Variants in KMT2C observed in about 807,000 individuals in gnomAD.
KMT2C encodes the protein histone-lysine N-methyltransferase 2C.
KMT2C carries 88 observed loss-of-function variants against 507.9 expected under a neutral mutation model. That is an observed-to-expected ratio of 0.17 (90% confidence interval 0.15 to 0.21). The LOEUF (loss-of-function observed/expected upper bound fraction) is 0.21. Ranked by LOEUF, KMT2C falls within the 10% of genes least tolerant of loss-of-function variation. The pLI, the probability that KMT2C is intolerant of heterozygous loss-of-function variation, is 1.00. For synonymous variants in KMT2C, 2,049 were observed against 2,080.8 expected, an observed-to-expected ratio of 0.98 and a Z score of 0.42; for missense variants, 4,954 against 5,957.8, an observed-to-expected ratio of 0.83 and a Z score of 5.55.
intron 25 of KMT2C, among the ~76,000 whole-genome samples, chr7:152,204,467 T>G (rs1396810950): frequency 6.6e-6 from 1 of 152,040 alleles, no homozygotes; most frequent in East Asian, 1.9e-4. Flanking sequence ...TGGTGGTGTG[T>G]GCCTGTGGTC....
At chr7:152,401,567 T>C (rs1373871582) in intron 1 of KMT2C, among the ~76,000 whole-genome samples, 1 of 152,052 alleles carries the variant, frequency 6.6e-6, no homozygotes, top group African/African-American at 2.4e-5. Flanking sequence ...GGTACGCACC[T>C]GTAGTCCCAG....
intron 1 of KMT2C, among the ~76,000 whole-genome samples, chr7:152,378,692 A>G (rs1161198849): frequency 6.6e-6 from 1 of 152,210 alleles, no homozygotes; most frequent in Non-Finnish European, 1.5e-5. Flanking sequence ...GCATATACCC[A>G]GGTATTTAAC....
chr7:152,163,760 A>G lies in KMT2C; in HGVS notation c.9817T>C (p.Cys3273Arg). The G allele has an allele frequency of 6.2e-7, 1 of 1,614,156 alleles. No homozygotes were observed. Among genetic ancestry groups the G allele is most frequent in the South Asian group, 1.1e-5 (1 of 91,086 alleles). The part of the protein sequence containing the change: ...EDYRIKQQQQ[C>R]AMAPPTMMPS... ...ATCATGGTAGGTGGGGCCATTGCACATTGCTGCTGCTGTTTGATCCGATAA... is the reference window on the plus strand; with the variant it reads ...ATCATGGTAGGTGGGGCCATTGCACGTTGCTGCTGCTGTTTGATCCGATAA... Residue 3273 changes from cysteine to arginine, a missense_variant, in exon 43 of 59, where the codon TGT (cysteine) becomes CGT (arginine). Physicochemically the swap from Cys to Arg is radical, Grantham distance 180. This residue lies in a region of KMT2C where 801 missense variants were observed against 751.2 expected (regional missense o/e 1.07). Transcript: ENST00000262189.
intron 1 of KMT2C, among the ~76,000 whole-genome samples, chr7:152,408,787 C>G (rs2097649905): frequency 6.9e-6 from 1 of 145,856 alleles, no homozygotes; most frequent in Non-Finnish European, 1.5e-5. Context: ...AGTTTGGAGA[C>G]CACTAACATA....
At chr7:152,319,127 T>C in intron 3 of KMT2C, among the ~76,000 whole-genome samples, 1 of 152,186 alleles carries the variant, frequency 6.6e-6, no homozygotes, top group Non-Finnish European at 1.5e-5. Context: ...GTGTATAAGG[T>C]ATATACGAAA....
intron 40 of KMT2C, among the ~76,000 whole-genome samples, chr7:152,170,504 G>A (rs2092914794): frequency 6.6e-6 from 1 of 152,094 alleles, no homozygotes; most frequent in Non-Finnish European, 1.5e-5. Flanking sequence ...TTTTCTACTT[G>A]CTGTGTTTGT....
Position 152,199,329 on chromosome 7 carries a change from A to G in KMT2C, c.4223T>C (p.Leu1408Ser), listed in dbSNP as rs766209744. The change falls in exon 27 of 59, where the codon TTA (leucine) becomes TCA (serine). Residue 1408 changes from leucine (L) to serine (S), a missense_variant. By Grantham distance (145) the Leu-to-Ser change is moderately radical. Transcript: ENST00000262189. ...CGAGGATGAACTAAGTAGTGGATCTAAGGAAGGATCCAAGAAACCTGTGTT... is the reference window on the plus strand; with the variant it reads ...CGAGGATGAACTAAGTAGTGGATCTGAGGAAGGATCCAAGAAACCTGTGTT... ...NMNTGFLDPS[L>S]DPLLSSSSAP... 1.2e-6 allele frequency: 2 copies of G among 1,604,594 alleles called. No homozygotes were observed. Among genetic ancestry groups the G allele is most frequent in the South Asian group, 1.1e-5 (1 of 88,366 alleles).
intron 55 of KMT2C, 84 bp from the exon 56 acceptor site, chr7:152,139,875 T>A (rs991270479): frequency 1.1e-6 from 1 of 898,454 alleles, no homozygotes; most frequent in Non-Finnish European, 1.8e-6. Flanking sequence ...CACCCTCGGG[T>A]CTTATTAGAA....
rs2129099635 is a variant in KMT2C at position 152,155,965 on chromosome 7, C to T, written c.11905G>A (p.Val3969Ile). Reference protein sequence around the residue: ...ARALAQGPKTVDVPASLPTPP... With the variant: ...ARALAQGPKTIDVPASLPTPP... The stretch of plus-strand genomic sequence containing the variant: ...GTTGGGAGGGAGGCTGGCACATCAA[C>T]TGTCTTGGGGCCCTGAGCAAGAGCT... Residue 3969 changes from valine to isoleucine, a missense_variant, in exon 46 of 59, where the codon GTT becomes ATT. By Grantham distance (29) the Val-to-Ile change is conservative. Around this residue, in one of 29 missense-constraint regions of KMT2C, gnomAD observed 104 missense variants for 134.3 expected, o/e 0.77. Transcript: ENST00000262189. The T allele has an allele frequency of 6.2e-7, 1 of 1,610,662 alleles. No individual in the cohort carries two copies. Among genetic ancestry groups the T allele is most frequent in the South Asian group, 1.1e-5 (1 of 90,168 alleles).
intron 1 of KMT2C, among the ~76,000 whole-genome samples, chr7:152,431,622 A>G (rs1222698162): frequency 6.6e-6 from 1 of 151,946 alleles, no homozygotes; most frequent in Non-Finnish European, 1.5e-5. Flanking sequence ...AAAAAAAGAA[A>G]AAAAACAGGT....
Position 152,148,138 on chromosome 7 carries a change from G to C in KMT2C, c.13789C>G (p.Arg4597Gly). ...WSTRYANRRC[R>G]YLCSIEEKDG... ...TTCTCCTCAATGGAGCACAGGTAGC[G>C]GCAGCGCCTATTGGCATAGCGAGTG... The change falls in exon 52 of 59, where the codon CGC becomes GGC. Residue 4597 changes from arginine to glycine, a missense_variant. This residue lies in a region of KMT2C where 221 missense variants were observed against 304.7 expected (regional missense o/e 0.73). Coordinates refer to ENST00000262189, the MANE Select transcript of KMT2C (RefSeq NM_170606.3). The surrounding 1 kb of genome is among the most constrained non-coding windows in gnomAD (Gnocchi z 7.1). The C allele has an allele frequency of 6.2e-7, 1 of 1,613,924 alleles. No homozygotes were observed. Among genetic ancestry groups the C allele is most frequent in the Admixed American group, 1.7e-5 (1 of 60,028 alleles).
chr7:152,330,766 A>T (rs1454694905), intron 2 of KMT2C, 27 bp from the exon 3 acceptor site: 9 of 1,607,724 alleles, frequency 5.6e-6, no homozygotes, highest in Non-Finnish European at 5.1e-6. Context: ...AAGAGAAAAC[A>T]AAGAGTCATT....
Position 152,185,582 on chromosome 7 carries a change from G to A in KMT2C, c.5058C>T (p.Ser1686=). 1.2e-6 allele frequency: 2 copies of A among 1,613,752 alleles called. No homozygotes were observed. The change falls in exon 34 of 59, where the codon AGC becomes AGT. Residue 1686 remains serine, a synonymous_variant. Coordinates refer to ENST00000262189, the MANE Select transcript of KMT2C (RefSeq NM_170606.3). ...CCACATATGGTGCTCTTTCTTGTGAGCTTGCTTTTCTCCACAATTTGGCAA... is the reference window on the plus strand; with the variant it reads ...CCACATATGGTGCTCTTTCTTGTGAACTTGCTTTTCTCCACAATTTGGCAA... ...KQIAKLWRKA[S]SQERAPYVQK...
intron 3 of KMT2C, among the ~76,000 whole-genome samples, chr7:152,329,448 T>C (rs1289723856): frequency 2.6e-5 from 4 of 151,918 alleles, no homozygotes; most frequent in Non-Finnish European, 5.9e-5. Flanking sequence ...CACACACCTG[T>C]AGTCCCAGCC....
At chr7:152,301,180 A>G (rs1245684549) in intron 6 of KMT2C, among the ~76,000 whole-genome samples, 1 of 148,460 alleles carries the variant, frequency 6.7e-6, no homozygotes, top group Non-Finnish European at 1.5e-5. Context: ...TGGAAAACAG[A>G]GCAAGACCCT....
chr7:152,390,743 A>C (rs561187606), intron 1 of KMT2C, among the ~76,000 whole-genome samples: 1 of 152,268 alleles, frequency 6.6e-6, no homozygotes, highest in East Asian at 1.9e-4. Context: ...TTTGATATTA[A>C]GGACCATGTG....
chr7:152,325,371 A>G (rs2129208564), intron 3 of KMT2C, among the ~76,000 whole-genome samples: 1 of 151,374 alleles, frequency 6.6e-6, no homozygotes, highest in Non-Finnish European at 1.5e-5. Context: ...CTGGTCCCAA[A>G]CTCCTGACCT....
Position 152,250,963 on chromosome 7 carries a change from T to A in KMT2C, c.1625A>T (p.Tyr542Phe). The change falls in exon 12 of 59, where the codon TAT becomes TTT. Residue 542 changes from tyrosine (Y) to phenylalanine (F), a missense_variant. Tyr to Phe is a conservative substitution (Grantham distance 22). Transcript: ENST00000262189. ...GCCTTCAACTTCCATTTCATTGTTA[T>A]AATCTTAACAAAAAATTATTAATTC... ...EVEIAELTTD[Y>F]NNEMEVEGPE... The A allele has an allele frequency of 6.6e-7, 1 of 1,526,318 alleles. No individual in the cohort carries two copies. Among genetic ancestry groups the A allele is most frequent in the Middle Eastern group, 1.7e-4 (1 of 5,902 alleles). The allele number at this position is 1,526,318 out of a possible 1,614,324, so 94.5% of individuals were successfully genotyped here.
chr7:152,211,462 G>A (rs995463937), intron 23 of KMT2C, among the ~76,000 whole-genome samples: 1 of 152,172 alleles, frequency 6.6e-6, no homozygotes, highest in Non-Finnish European at 1.5e-5. Context: ...CCAGGATGAT[G>A]AAGAGGAAAT....
Sources: gnomAD v4.1 joint callset for allele counts (sites outside exome capture counted in the v4.1 genomes callset) on GRCh38, gnomAD v4.1.1 for gene constraint, gnomAD v4.1.1 regional missense constraint, Gnocchi (gnomAD v3.1) non-coding constraint, MANE v1.5 for transcripts, NCBI Gene and HGNC (gene_info 2026-07-23, HGNC 2026-07-21) for gene names.